Variants in XIRP2 observed in about 807,000 individuals in gnomAD.
XIRP2 encodes the protein xin actin binding repeat containing 2.
In XIRP2, 236 loss-of-function variants were observed where a neutral mutation model predicts 277.0. That is an observed-to-expected ratio of 0.85 (90% CI 0.77 to 0.95). The LOEUF is 0.95. Among genes scored for constraint, XIRP2 ranks in the 40% least tolerant of loss-of-function variants. XIRP2 has a pLI of 0.00. For synonymous variants in XIRP2, 1,490 were observed against 1,416.5 expected, an observed-to-expected ratio of 1.05 and a Z score of -1.17; for missense variants, 4,640 against 4,157.5, an observed-to-expected ratio of 1.12 and a Z score of -3.19.
intron 1 of XIRP2, 103 bp from the exon 2 acceptor site, chr2:166,903,362 T>C: frequency 8.3e-7 from 1 of 1,204,608 alleles, no homozygotes; most frequent in Non-Finnish European, 1.1e-6. Context: ...ATTTCTTTAC[T>C]AAGACCCAAA....
intron 2 of XIRP2, among the ~76,000 whole-genome samples, chr2:167,017,476 C>A (rs541704831): frequency 3.6e-4 from 55 of 151,980 alleles, no homozygotes; most frequent in Non-Finnish European, 6.0e-4. Context: ...AGTTTTTCTT[C>A]TCACCTGATG....
intron 5 of XIRP2, among the ~76,000 whole-genome samples, chr2:167,223,771 G>GT (rs1694503110): frequency 1.3e-5 from 2 of 152,120 alleles, no homozygotes; most frequent in South Asian, 4.1e-4. Context: ...GACCAAGAAT[G>GT]TATCTTGTAT....
chr2:167,156,834 CA>C (rs1438403380), intron 3 of XIRP2, among the ~76,000 whole-genome samples: 2 of 152,044 alleles, frequency 1.3e-5, no homozygotes, highest in African/African-American at 4.8e-5. Context: ...ATAATTGAAG[CA>C]AAATATGAAT....
At chr2:167,037,820 T>C (rs1688554080) in intron 2 of XIRP2, among the ~76,000 whole-genome samples, 1 of 151,994 alleles carries the variant, frequency 6.6e-6, no homozygotes, top group African/African-American at 2.4e-5. Context: ...GGAAAATCAG[T>C]AGCAACTACA....
At chr2:166,941,776 A>G (rs1220486333) in intron 2 of XIRP2, among the ~76,000 whole-genome samples, 1 of 152,212 alleles carries the variant, frequency 6.6e-6, no homozygotes, top group African/African-American at 2.4e-5. Context: ...TGTTCTATAA[A>G]AAGAAGAAAT....
intron 2 of XIRP2, among the ~76,000 whole-genome samples, chr2:167,100,254 C>T (rs1038198010): frequency 1.3e-5 from 2 of 151,754 alleles, no homozygotes; most frequent in South Asian, 2.1e-4. Context: ...TGTGTGTAGA[C>T]TTCTGGTTAT....
intron 3 of XIRP2, among the ~76,000 whole-genome samples, chr2:167,183,888 A>C (rs1358965621): frequency 6.6e-6 from 1 of 152,172 alleles, no homozygotes; most frequent in Non-Finnish European, 1.5e-5. Flanking sequence ...TCCTCTGCTG[A>C]GCAGATAGAA....
rs1425715011 is a variant in XIRP2 at position 167,250,310 on chromosome 2, T to G, written c.8918T>G (p.Leu2973Arg). The G allele has an allele frequency of 3.7e-6, 6 of 1,613,148 alleles. No individual in the cohort carries two copies. The highest frequency in any genetic ancestry group is 5.1e-6 in the Non-Finnish European group (6 of 1,179,636). Reference protein sequence around the residue: ...QFEAEPNKSGLKTFQTLLNTI... With the variant: ...QFEAEPNKSGRKTFQTLLNTI... Reference sequence around the variant, plus strand: ...GAAGCAGAGCCAAATAAAAGTGGCCTTAAAACATTTCAGACACTATTAAAT... The same window carrying G: ...GAAGCAGAGCCAAATAAAAGTGGCCGTAAAACATTTCAGACACTATTAAAT... Residue 2973 changes from leucine (L) to arginine (R), a missense_variant, in exon 9 of 11, where the codon CTT becomes CGT. Physicochemically the swap from Leu to Arg is moderately radical, Grantham distance 102 (BLOSUM62 -2). Coordinates refer to ENST00000409195, the MANE Select transcript of XIRP2 (RefSeq NM_152381.6).
intron 2 of XIRP2, among the ~76,000 whole-genome samples, chr2:167,087,051 G>A (rs1023931015): frequency 4.0e-5 from 6 of 151,140 alleles, no homozygotes; most frequent in African/African-American, 1.5e-4. Context: ...TTTCTGTTCT[G>A]TTTTTTCCCC....
chr2:167,100,392 G>GT (rs1690455659), intron 2 of XIRP2, among the ~76,000 whole-genome samples: 1 of 152,098 alleles, frequency 6.6e-6, no homozygotes, highest in East Asian at 1.9e-4. Context: ...AATAAATAAT[G>GT]TAACTATTGC....
intron 2 of XIRP2, among the ~76,000 whole-genome samples, chr2:166,978,876 T>C (rs1297661042): frequency 6.6e-6 from 1 of 152,082 alleles, no homozygotes; most frequent in African/African-American, 2.4e-5. Context: ...GCTACTCAGG[T>C]GGCTAAAGTA....
At chr2:167,199,924 G>A (rs1304528438) in intron 3 of XIRP2, among the ~76,000 whole-genome samples, 1 of 152,130 alleles carries the variant, frequency 6.6e-6, no homozygotes, top group Admixed American at 6.5e-5. Context: ...GGATACATTA[G>A]AAAATTAGGG....
chr2:167,231,178 T>C (rs1694739833), intron 5 of XIRP2, among the ~76,000 whole-genome samples: 1 of 152,018 alleles, frequency 6.6e-6, no homozygotes, highest in Admixed American at 6.6e-5. Flanking sequence ...ATTTTCTTCC[T>C]TCTTATTTGG....
chr2:166,918,166 C>T (rs1200099489), intron 2 of XIRP2, among the ~76,000 whole-genome samples: 1 of 152,132 alleles, frequency 6.6e-6, no homozygotes, highest in Non-Finnish European at 1.5e-5. Context: ...TAATTTCTTC[C>T]AGGTTTTCCA....
At chr2:167,088,869 C>T (rs1442532525) in intron 2 of XIRP2, among the ~76,000 whole-genome samples, 2 of 152,184 alleles carry the variant, frequency 1.3e-5, no homozygotes, top group Non-Finnish European at 2.9e-5. Context: ...AGATAGATCA[C>T]ATTTTCATAG....
Position 167,078,557 on chromosome 2 carries a change from C to T in XIRP2, c.409-57352C>T, listed in dbSNP as rs1574231469. Among the ~76,000 whole-genome samples, 8 of 152,090 alleles carry T rather than the reference C, an allele frequency of 5.3e-5. No individual in the cohort carries two copies. The South Asian group carries it at 1.7e-3, about 32-fold the overall frequency. On this transcript the variant is annotated intron_variant, in intron 2 of 10. Transcript: ENST00000409195. ...TTTTGCCTTTAACGGCAAAAACTGG[C>T]CGGGAGTGGTGGCTCACGCCTGTAA...
intron 2 of XIRP2, among the ~76,000 whole-genome samples, chr2:167,129,869 C>CAAAAA (rs11335228): frequency 9.3e-5 from 9 of 97,020 alleles, no homozygotes; most frequent in South Asian, 3.3e-4. Context: ...AACTCAGTCT[C>CAAAAA]AAAAAAAAAA....
intron 2 of XIRP2, among the ~76,000 whole-genome samples, chr2:167,064,783 C>T (rs1689260946): frequency 6.6e-6 from 1 of 151,902 alleles, no homozygotes; most frequent in Admixed American, 6.6e-5. Context: ...ACCTAATTCA[C>T]TTAGTACAAT....
intron 5 of XIRP2, among the ~76,000 whole-genome samples, chr2:167,222,658 C>T (rs990883150): frequency 9.2e-5 from 14 of 152,066 alleles, no homozygotes; most frequent in African/African-American, 3.4e-4. Flanking sequence ...TCTTTTTATC[C>T]ACTCACTGTA....
Sources: gnomAD v4.1 joint callset for allele counts (sites outside exome capture counted in the v4.1 genomes callset) on GRCh38, gnomAD v4.1.1 for gene constraint, MANE v1.5 for transcripts, NCBI Gene and HGNC (gene_info 2026-07-23, HGNC 2026-07-21) for gene names.